The following ATP2B3 variants were observed in gnomAD, a reference collection of about 807,000 sequenced individuals.
ATP2B3 encodes ATPase plasma membrane Ca2+ transporting 3, also known as plasma membrane calcium-transporting ATPase 3.
ATP2B3 carries 12 observed loss-of-function variants against 70.8 expected under a neutral mutation model. That is an observed-to-expected ratio of 0.17 (90% CI 0.11 to 0.27). The LOEUF is 0.27. Among genes scored for constraint, ATP2B3 ranks in the 10% least tolerant of loss-of-function variants. ATP2B3 has a pLI of 1.00. For missense variants in ATP2B3, 858 were observed against 1,118.5 expected (o/e 0.77, Z 3.32); for synonymous variants, 460 against 497.8 (o/e 0.92, Z 1.01).
intron 16 of ATP2B3, among the ~76,000 whole-genome samples, chrX:153,557,810 G>C (rs1179993909): frequency 9.1e-6 from 1 of 110,136 alleles, no homozygotes; most frequent in East Asian, 2.9e-4. Context: ...TGGCCACGTG[G>C]TGGCAGCTGG....
At position 153,543,137 on chromosome X, in the gene ATP2B3, C is replaced by T. The variant is rs781811249; in HGVS notation, c.885C>T (p.Gly295=). Residue 295 remains glycine (G), a synonymous_variant, in exon 7 of 22, where the codon GGC becomes GGT. Transcript: ENST00000263519. ...TCATCTTCACGCTGCTTGGAGCTGGCGGAGAGGAGGAAGAGAAGAAAGATA... is the reference window on the plus strand; with the variant it reads ...TCATCTTCACGCTGCTTGGAGCTGGTGGAGAGGAGGAAGAGAAGAAAGATA... ...TGIIFTLLGA[G]GEEEEKKDKK... 9.1e-6 allele frequency: 11 copies of T among 1,209,964 alleles called. No individual in the cohort carries two copies. The highest frequency in any genetic ancestry group is 8.7e-5 in the African/African-American group (5 of 57,526).
At chrX:153,549,966 G>A in intron 11 of ATP2B3, 79 bp from the exon 12 acceptor site, 1 of 1,170,105 alleles carries the variant, frequency 8.5e-7, no homozygotes, top group South Asian at 2.0e-5. Context: ...GACCACGAGG[G>A]GGCAGAGCTG....
intron 12 of ATP2B3, among the ~76,000 whole-genome samples, chrX:153,552,346 C>T (rs1557011827): frequency 3.6e-5 from 4 of 112,224 alleles, no homozygotes; most frequent in Admixed American, 9.4e-5. Flanking sequence ...TCATTTCCTT[C>T]GTCACCAGCC....
chrX:153,539,261 C>T (rs1193919684), intron 3 of ATP2B3, among the ~76,000 whole-genome samples: 1 of 112,256 alleles, frequency 8.9e-6, no homozygotes, highest in Non-Finnish European at 1.9e-5. Flanking sequence ...TGAGGTCGTG[C>T]GTTAACCCCA....
intron 2 of ATP2B3, among the ~76,000 whole-genome samples, chrX:153,532,505 C>A (rs1314053087): frequency 9.0e-6 from 1 of 111,708 alleles, no homozygotes; most frequent in Non-Finnish European, 1.9e-5. Context: ...AGAGAAGAGT[C>A]CAGAAGGCGG....
chrX:153,547,861 A>C lies in ATP2B3; in HGVS notation c.985A>C (p.Met329Leu), dbSNP rs782061934. The C allele has an allele frequency of 1.2e-5, 15 of 1,206,772 alleles. No homozygotes were observed. In the South Asian group the frequency reaches 2.3e-4, roughly 19 times the overall value. Reference sequence around the variant, plus strand: ...TAAGAAGCAGGATGGTGCAGTGGCCATGGAGATGCAGCCCCTGAAGAGCGC... The same window carrying C: ...TAAGAAGCAGGATGGTGCAGTGGCCCTGGAGATGCAGCCCCTGAAGAGCGC... ...KAKKQDGAVA[M>L]EMQPLKSAEG... The change falls in exon 9 of 22, where the codon ATG becomes CTG. Residue 329 changes from methionine to leucine, a missense_variant. Physicochemically the swap from Met to Leu is conservative, Grantham distance 15. Transcript: ENST00000263519.
At chrX:153,549,403 C>G (rs2090422372) in intron 10 of ATP2B3, 94 bp from the exon 11 acceptor site, 15 of 1,179,321 alleles carry the variant, frequency 1.3e-5, no homozygotes, top group Admixed American at 2.2e-5. Flanking sequence ...GCTAGCTGAG[C>G]AGAACAGAGT....
At chrX:153,520,714 T>G (rs2124290895) in intron 2 of ATP2B3, among the ~76,000 whole-genome samples, 1 of 112,646 alleles carries the variant, frequency 8.9e-6, no homozygotes, top group East Asian at 2.8e-4. Flanking sequence ...AATCCAGGGC[T>G]GGAATGTAGT....
At position 153,541,805 on chromosome X, in the gene ATP2B3, G is replaced by C; in HGVS notation, c.543G>C (p.Gln181His). Reference protein sequence around the residue: ...TAFNDWSKEKQFRGLQSRIEQ... With the variant: ...TAFNDWSKEKHFRGLQSRIEQ... ...TCAATGACTGGAGCAAGGAGAAGCA[G>C]TTCCGAGGCCTGCAGAGCCGAATTG... The change falls in exon 5 of 22, where the codon CAG becomes CAC. Residue 181 changes from glutamine to histidine, a missense_variant. By Grantham distance (24) the Gln-to-His change is conservative. Coordinates refer to ENST00000263519, the MANE Select transcript of ATP2B3 (RefSeq NM_001001344.3). 1.7e-6 allele frequency: 2 copies of C among 1,211,737 alleles called. No individual in the cohort carries two copies. Among genetic ancestry groups the C allele is most frequent in the Non-Finnish European group, 2.2e-6 (2 of 895,533 alleles).
chrX:153,552,265 A>T (rs966283647), intron 12 of ATP2B3, among the ~76,000 whole-genome samples: 2 of 112,255 alleles, frequency 1.8e-5, no homozygotes, highest in Admixed American at 1.9e-4. Flanking sequence ...ATCTCTGGGG[A>T]GGGGTGTGAG....
At chrX:153,532,769 C>T (rs2090136332) in intron 2 of ATP2B3, among the ~76,000 whole-genome samples, 1 of 112,222 alleles carries the variant, frequency 8.9e-6, no homozygotes, top group Non-Finnish European at 1.9e-5. Flanking sequence ...CGGCAGCCAG[C>T]CCAGGCCGGA....
At chrX:153,569,682 T>G in intron 21 of ATP2B3, 1 of 1,211,629 alleles carries the variant, frequency 8.3e-7, no homozygotes, top group Non-Finnish European at 1.1e-6. Flanking sequence ...CTCAGCCAGC[T>G]TCATGACGTA....
chrX:153,524,825 A>G (rs1474167334), intron 2 of ATP2B3, among the ~76,000 whole-genome samples: 1 of 111,797 alleles, frequency 8.9e-6, no homozygotes, highest in Admixed American at 9.5e-5. Flanking sequence ...TTCTCTGTCC[A>G]GTGGACTTCA....
At position 153,543,048 on chromosome X, in the gene ATP2B3, C is replaced by A; in HGVS notation, c.796C>A (p.His266Asn). 1 of 1,211,076 alleles carries A rather than the reference C, an allele frequency of 8.3e-7. No homozygotes were observed. The highest frequency in any genetic ancestry group is 1.8e-5 in the South Asian group (1 of 56,750). ...TCTCTGTGTTGCTGTTCCAGGCACT[C>A]ATGTCATGGAAGGTTCTGGAAGAAT... ...DKDPMLLSGT[H>N]VMEGSGRMVV... is the part of the protein sequence containing the mutation. The change falls in exon 7 of 22, where the codon CAT (histidine) becomes AAT (asparagine). Residue 266 changes from histidine to asparagine, a missense_variant. Transcript: ENST00000263519.
chrX:153,560,987 C>A, intron 19 of ATP2B3, 100 bp downstream of exon 19: 1 of 999,008 alleles, frequency 1.0e-6, no homozygotes, highest in Non-Finnish European at 1.4e-6. Context: ...GCCTCCCCAC[C>A]TCCACTCCCA....
At chrX:153,566,712 C>T (rs1025341731) in intron 21 of ATP2B3, among the ~76,000 whole-genome samples, 1 of 110,729 alleles carries the variant, frequency 9.0e-6, no homozygotes, top group Non-Finnish European at 1.9e-5. Flanking sequence ...GGTGTCACCC[C>T]AACCTTCCTG....
Position 153,525,710 on chromosome X carries a change from CA to C in ATP2B3, c.-127+7160del, listed in dbSNP as rs1238833256. Among the ~76,000 whole-genome samples the C allele has an allele frequency of 4.4e-5, 5 of 112,430 alleles. No individual in the cohort carries two copies. In the Admixed American group the frequency reaches 4.6e-4, roughly 10 times the overall value. On this transcript the variant is annotated intron_variant, in intron 2 of 21. Coordinates refer to ENST00000263519, the MANE Select transcript of ATP2B3 (RefSeq NM_001001344.3). ...CCAGCAGATGGTCCCACGTCTGGTG[CA>C]GGAGAAGAGGGAGGGCTGTGGACGG...
intron 21 of ATP2B3, among the ~76,000 whole-genome samples, chrX:153,570,625 C>T (rs1375749384): frequency 2.7e-5 from 3 of 112,127 alleles, no homozygotes; most frequent in Non-Finnish European, 5.6e-5. Context: ...AGCCAGGCAG[C>T]CTGCTTTTTC....
intron 21 of ATP2B3, among the ~76,000 whole-genome samples, chrX:153,578,952 C>T (rs139957479): frequency 0.01 from 1,168 of 112,584 alleles, 9 homozygotes; most frequent in African/African-American, 0.036. Flanking sequence ...TTAGTGGGTG[C>T]AAATCAAAAG....
Sources: allele counts gnomAD v4.1 joint callset (sites outside exome capture counted in the v4.1 genomes callset), GRCh38; gene constraint gnomAD v4.1.1; transcripts MANE v1.5; gene names NCBI Gene and HGNC (gene_info 2026-07-23, HGNC 2026-07-21).